LINGO2: variants seen among roughly 807,000 people sequenced by gnomAD.
The protein encoded by LINGO2 is leucine rich repeat and Ig domain containing 2, also known as leucine-rich repeat and immunoglobulin-like domain-containing nogo receptor-interacting protein 2.
Under a neutral mutation model 30.6 loss-of-function variants are expected in LINGO2, and 14 were observed. The ratio of observed to expected loss-of-function variants is 0.46; its 90% CI spans 0.30 to 0.72. LINGO2 has a LOEUF of 0.72. Ranked by LOEUF, LINGO2 falls within the 30% of genes least tolerant of loss-of-function variation. LINGO2 has a pLI of 0.07. For synonymous variants in LINGO2, 317 were observed against 288.5 expected (o/e 1.10, Z -1.00); for missense variants, 729 against 751.7 (o/e 0.97, Z 0.35).
intron 5 of LINGO2, among the ~76,000 whole-genome samples, chr9:27,977,381 C>A (rs933505343): frequency 4.0e-5 from 6 of 151,514 alleles, no homozygotes; most frequent in Middle Eastern, 3.4e-3. Context: ...ATAGAGAGCT[C>A]GAAGGGCACT....
At chr9:28,664,198 A>G (rs1193683319) in intron 1 of LINGO2, among the ~76,000 whole-genome samples, 1 of 152,196 alleles carries the variant, frequency 6.6e-6, no homozygotes, top group Admixed American at 6.5e-5. Flanking sequence ...ATTAGTACCT[A>G]CTAGAAATTA....
chr9:28,847,529 A>G, the LINGO2 span, among the ~76,000 whole-genome samples: 2 of 146,462 alleles, frequency 1.4e-5, no homozygotes, highest in African/African-American at 2.6e-5. Context: ...TTTCATCCCC[A>G]TGGAGCATAT....
chr9:28,343,797 A>G (rs1819457154), intron 3 of LINGO2, among the ~76,000 whole-genome samples: 1 of 152,134 alleles, frequency 6.6e-6, no homozygotes, highest in Non-Finnish European at 1.5e-5. Flanking sequence ...ATCAGCTGCC[A>G]TTAGCTGTGG....
At chr9:29,174,116 TAA>T in the LINGO2 span, among the ~76,000 whole-genome samples, 1 of 146,392 alleles carries the variant, frequency 6.8e-6, no homozygotes, top group Admixed American at 6.8e-5. Flanking sequence ...ATGCTTTGTC[TAA>T]AAAAAAAAAA....
At chr9:28,517,324 CTCT>C (rs1209878121) in intron 1 of LINGO2, among the ~76,000 whole-genome samples, 1 of 152,128 alleles carries the variant, frequency 6.6e-6, no homozygotes, top group Non-Finnish European at 1.5e-5. Context: ...TGTGAGATTC[CTCT>C]TTTCTCTTTG....
intron 5 of LINGO2, among the ~76,000 whole-genome samples, chr9:28,010,241 C>G (rs1449414308): frequency 6.6e-6 from 1 of 152,144 alleles, no homozygotes; most frequent in Non-Finnish European, 1.5e-5. Flanking sequence ...ACATGTGTAT[C>G]TTAAAATTTT....
At chr9:28,962,537 T>C in the LINGO2 span, among the ~76,000 whole-genome samples, 1 of 151,974 alleles carries the variant, frequency 6.6e-6, no homozygotes, top group African/African-American at 2.4e-5. Flanking sequence ...CTTTTCTCTT[T>C]CTTTATAATG....
the LINGO2 span, among the ~76,000 whole-genome samples, chr9:28,910,998 T>A: frequency 7.2e-5 from 11 of 152,060 alleles, no homozygotes; most frequent in Admixed American, 3.3e-4. Context: ...TAACATCCAG[T>A]CACATGGAAG....
chr9:28,926,146 C>G, the LINGO2 span, among the ~76,000 whole-genome samples: 1 of 152,100 alleles, frequency 6.6e-6, no homozygotes, highest in African/African-American at 2.4e-5. Flanking sequence ...AACCCCATCT[C>G]TACTAAAAAA....
intron 5 of LINGO2, among the ~76,000 whole-genome samples, chr9:28,003,520 A>G (rs776866762): frequency 7.9e-5 from 12 of 152,110 alleles, no homozygotes; most frequent in Admixed American, 3.3e-4. Context: ...GTACAGTGGC[A>G]CAATCTCGGC....
the LINGO2 span, among the ~76,000 whole-genome samples, chr9:28,780,709 T>C: frequency 6.6e-6 from 1 of 152,094 alleles, no homozygotes; most frequent in Non-Finnish European, 1.5e-5. Context: ...TACATTTCTT[T>C]CTAGTTTTAC....
At chr9:28,331,267 C>T (rs1409071065) in intron 3 of LINGO2, among the ~76,000 whole-genome samples, 2 of 151,892 alleles carry the variant, frequency 1.3e-5, no homozygotes, top group Non-Finnish European at 2.9e-5. Flanking sequence ...AAGCAAACAA[C>T]TTCTATATTT....
At chr9:28,912,372 C>T in the LINGO2 span, among the ~76,000 whole-genome samples, 1 of 152,016 alleles carries the variant, frequency 6.6e-6, no homozygotes, top group African/African-American at 2.4e-5. Flanking sequence ...CTTGCCTCCA[C>T]TCATCTAGTC....
chr9:28,136,233 C>T (rs941737876), intron 4 of LINGO2, among the ~76,000 whole-genome samples: 3 of 152,140 alleles, frequency 2.0e-5, no homozygotes, highest in Non-Finnish European at 4.4e-5. Flanking sequence ...TGGTGGTGTA[C>T]GATACTACTA....
the LINGO2 span, among the ~76,000 whole-genome samples, chr9:28,810,275 A>G: frequency 6.6e-6 from 1 of 152,220 alleles, no homozygotes; most frequent in Non-Finnish European, 1.5e-5. Context: ...CTTAAAATAC[A>G]TTTATAAAGT....
rs1223845948 is a variant in LINGO2, at chr9:28,632,866, ATATATATATATATG to A, written c.-365+37320_-365+37333del. 3.7e-4 allele frequency among the ~76,000 whole-genome samples: 40 copies of A among 108,194 alleles called. 2 individuals carry two copies. The highest frequency in any genetic ancestry group is 7.2e-4 in the Admixed American group (6 of 8,330). The allele number at this position is 108,194 out of a possible 152,430, so 71.0% of individuals were successfully genotyped here. A position where few individuals can be genotyped will look rare whatever the true frequency, so the allele number is the denominator to read the frequency against. The stretch of plus-strand genomic sequence containing the variant: ...ATCTATATATATTTTTTATATATAT[ATATATATATATATG>A]TAGAGAGAGAGAGAGAGAGAGAGAG... On this transcript the variant is annotated intron_variant, in intron 1 of 5. Coordinates refer to ENST00000379992, the Ensembl canonical transcript of LINGO2.
chr9:28,018,741 T>G (rs548053373), intron 4 of LINGO2, among the ~76,000 whole-genome samples: 1 of 152,214 alleles, frequency 6.6e-6, no homozygotes, highest in East Asian at 1.9e-4. Flanking sequence ...TATACATTGC[T>G]GGGGGGAATG....
At chr9:28,682,869 G>A in the LINGO2 span, among the ~76,000 whole-genome samples, 60 of 127,080 alleles carry the variant, frequency 4.7e-4, no homozygotes, top group South Asian at 6.4e-3. Context: ...CTCTATGGCA[G>A]ATACTTTTTT....
At chr9:28,733,542 T>A in the LINGO2 span, among the ~76,000 whole-genome samples, 4 of 152,152 alleles carry the variant, frequency 2.6e-5, no homozygotes, top group African/African-American at 9.7e-5. Context: ...AGTGTGCTTG[T>A]CCATCTGCTC....
Sources: allele counts gnomAD v4.1 joint callset (sites outside exome capture counted in the v4.1 genomes callset), GRCh38; gene constraint gnomAD v4.1.1; transcripts MANE v1.5; gene names NCBI Gene and HGNC (gene_info 2026-07-23, HGNC 2026-07-21).